Variants in SCEL observed in about 807,000 individuals in gnomAD.
The protein encoded by SCEL is sciellin.
A neutral mutation model predicts 117.6 loss-of-function variants in SCEL; 113 were observed. That is an observed-to-expected ratio of 0.96 (90% CI 0.83 to 1.12). The LOEUF (loss-of-function observed/expected upper bound fraction) is 1.12. Ranked by LOEUF, SCEL falls within the 50% of genes most tolerant of loss-of-function variation. SCEL has a pLI of 0.00. For synonymous variants in SCEL, 270 were observed against 256.2 expected, an observed-to-expected ratio of 1.05 and a Z score of -0.51; for missense variants, 785 against 810.8, an observed-to-expected ratio of 0.97 and a Z score of 0.39.
chr13:77,550,384 T>C (rs1454826756), intron 1 of SCEL, among the ~76,000 whole-genome samples: 2 of 30,106 alleles, frequency 6.6e-5, no homozygotes, highest in Non-Finnish European at 1.4e-4. Context: ...AGACTTTGTC[T>C]AAAATATATA....
intron 9 of SCEL, among the ~76,000 whole-genome samples, chr13:77,583,948 C>G (rs571865825): frequency 3.3e-5 from 5 of 152,194 alleles, no homozygotes. Flanking sequence ...GGCCTTTGAG[C>G]TACAGTCTGC....
At chr13:77,644,071 G>T (rs2154407744) in intron 32 of SCEL, among the ~76,000 whole-genome samples, 187 bp from the exon 33 acceptor site, 1 of 152,152 alleles carries the variant, frequency 6.6e-6, no homozygotes, top group South Asian at 2.1e-4. Flanking sequence ...TCATAAATAT[G>T]CATACCAGGC....
At chr13:77,547,449 G>A (rs1359213079) in intron 1 of SCEL, among the ~76,000 whole-genome samples, 1 of 152,114 alleles carries the variant, frequency 6.6e-6, no homozygotes, top group South Asian at 2.1e-4. Context: ...GATGGATTTG[G>A]TATAAAAATG....
chr13:77,545,010 A>C (rs892209887), intron 1 of SCEL, among the ~76,000 whole-genome samples: 6 of 152,234 alleles, frequency 3.9e-5, no homozygotes, highest in African/African-American at 1.4e-4. Flanking sequence ...CTTTGACGTT[A>C]TGATTTTACA....
At chr13:77,612,739 G>T (rs1394914937) in intron 22 of SCEL, 152 bp from the exon 23 acceptor site, 2 of 487,688 alleles carry the variant, frequency 4.1e-6, no homozygotes, top group East Asian at 3.5e-5. Context: ...GAAATGAATT[G>T]ATAGTAGCCA....
chr13:77,618,211 C>T (rs2089206414), intron 27 of SCEL, 151 bp downstream of exon 27: 2 of 681,294 alleles, frequency 2.9e-6, no homozygotes, highest in South Asian at 3.6e-5. Flanking sequence ...CCTTCCATTT[C>T]ATTCTATCAC....
chr13:77,604,446 T>C, intron 19 of SCEL, 31 bp downstream of exon 19: 1 of 1,529,218 alleles, frequency 6.5e-7, no homozygotes, highest in South Asian at 1.2e-5. Flanking sequence ...CCCTCCCCTT[T>C]GTTTGGCATT....
In SCEL at chr13:77,644,523, G is replaced by C. The variant is rs2090705639; in HGVS notation, c.*249G>C. The C allele has an allele frequency of 4.5e-6, 2 of 447,508 alleles. No individual in the cohort carries two copies. Among genetic ancestry groups the C allele is most frequent in the African/African-American group, 4.0e-5 (2 of 50,386 alleles). 27.7% of individuals were successfully genotyped at this position (447,508 alleles called of 1,614,324 possible). A position where few individuals can be genotyped will look rare whatever the true frequency, so the allele number is the denominator to read the frequency against. On this transcript the variant is annotated 3_prime_UTR_variant, in exon 33 of 33. Coordinates refer to ENST00000349847, the MANE Select transcript of SCEL (RefSeq NM_144777.3). The stretch of plus-strand genomic sequence containing the variant: ...AATGGTTCCAGATTCCAGTGTCAAA[G>C]GAGTGATGCATTACACTCCAGCCAG...
intron 28 of SCEL, among the ~76,000 whole-genome samples, chr13:77,633,592 G>A (rs9530675): frequency 0.15 from 22,941 of 151,976 alleles, 1,898 homozygotes; most frequent in African/African-American, 0.17. Context: ...GCTTTCTGAG[G>A]CTAGATGCCC....
chr13:77,569,769 C>T (rs1255632422), intron 8 of SCEL, among the ~76,000 whole-genome samples: 2 of 152,184 alleles, frequency 1.3e-5, no homozygotes, highest in Non-Finnish European at 2.9e-5. Flanking sequence ...CCACATGCTG[C>T]CATGCTCCTG....
intron 9 of SCEL, among the ~76,000 whole-genome samples, chr13:77,580,891 T>C (rs573692956): frequency 4.7e-4 from 72 of 152,244 alleles, no homozygotes; most frequent in African/African-American, 1.7e-3. Context: ...TCAGTGGTTA[T>C]TTCACTTCCT....
chr13:77,583,106 A>G (rs970415607), intron 9 of SCEL, among the ~76,000 whole-genome samples: 6 of 152,224 alleles, frequency 3.9e-5, no homozygotes, highest in African/African-American at 1.4e-4. Flanking sequence ...ACATACCTTT[A>G]AAAAGCACAG....
In SCEL at chr13:77,559,839, A is replaced by G; in HGVS notation, c.197A>G (p.His66Arg). 2 of 1,613,960 alleles carry G rather than the reference A, an allele frequency of 1.2e-6. No homozygotes were observed. The highest frequency in any genetic ancestry group is 1.7e-6 in the Non-Finnish European group (2 of 1,179,886). ...ENYGRVVLNR[H>R]NSHDALDRKV... ...TACGGTAGGGTGGTGCTCAACCGACATAATTCCCATGATGCATTGGACAGG... is the reference window on the plus strand; with the variant it reads ...TACGGTAGGGTGGTGCTCAACCGACGTAATTCCCATGATGCATTGGACAGG... The change falls in exon 4 of 33, where the codon CAT becomes CGT. Residue 66 changes from histidine to arginine, a missense_variant. By Grantham distance (29) the His-to-Arg change is conservative (BLOSUM62 0). Coordinates refer to ENST00000349847, the MANE Select transcript of SCEL (RefSeq NM_144777.3).
At chr13:77,640,534 C>T in intron 30 of SCEL, 142 bp from the exon 31 acceptor site, 1 of 396,954 alleles carries the variant, frequency 2.5e-6, no homozygotes, top group Non-Finnish European at 4.5e-6. Context: ...AAATAAACTC[C>T]AAACTTTCCT....
chr13:77,644,422 C>A lies in SCEL; in HGVS notation c.*148C>A. The A allele has an allele frequency of 1.3e-6, 1 of 756,950 alleles. No homozygotes were observed. Among genetic ancestry groups the A allele is most frequent in the Non-Finnish European group, 2.1e-6 (1 of 466,848 alleles). The allele number at this position is 756,950 out of a possible 1,614,324, so 46.9% of individuals were successfully genotyped here. ...ACAATTCTGTTATTGCATAAGTAAT[C>A]TAATTGTCTTCAATAAGGTCACACA... On this transcript the variant is annotated 3_prime_UTR_variant, in exon 33 of 33. Transcript: ENST00000349847.
At chr13:77,539,463 C>A (rs1419542779) in intron 1 of SCEL, among the ~76,000 whole-genome samples, 6 of 151,870 alleles carry the variant, frequency 4.0e-5, no homozygotes. Flanking sequence ...TCAGTTCTTC[C>A]CAAACTCTTT....
intron 1 of SCEL, among the ~76,000 whole-genome samples, chr13:77,539,242 C>T (rs117604934): frequency 0.026 from 3,963 of 150,732 alleles, 173 homozygotes; most frequent in East Asian, 0.14. Context: ...AATTAATAGA[C>T]ATATAAAATT....
intron 12 of SCEL, among the ~76,000 whole-genome samples, chr13:77,595,772 T>C (rs949960839): frequency 6.6e-6 from 1 of 152,180 alleles, no homozygotes; most frequent in African/African-American, 2.4e-5. Flanking sequence ...TTTTTTGTTG[T>C]TGTTAGAGGC....
At chr13:77,635,712 A>G (rs2090245504) in intron 29 of SCEL, among the ~76,000 whole-genome samples, 1 of 152,240 alleles carries the variant, frequency 6.6e-6, no homozygotes, top group Non-Finnish European at 1.5e-5. Flanking sequence ...ACTAAAGCAT[A>G]CTTATTTTAT....
Sources: gnomAD v4.1 joint callset for allele counts (sites outside exome capture counted in the v4.1 genomes callset) on GRCh38, gnomAD v4.1.1 for gene constraint, MANE v1.5 for transcripts, NCBI Gene and HGNC (gene_info 2026-07-23, HGNC 2026-07-21) for gene names.